Variants in NKAIN2 observed in about 807,000 individuals in gnomAD.
NKAIN2 encodes the protein sodium/potassium transporting ATPase interacting 2.
NKAIN2 carries 14 observed loss-of-function variants against 32.6 expected under a neutral mutation model. The observed-to-expected ratio is 0.43, with a 90% CI of 0.28 to 0.67. NKAIN2 has a LOEUF of 0.67. Among genes scored for constraint, NKAIN2 ranks in the 30% least tolerant of loss-of-function variants. The pLI, the probability that NKAIN2 is intolerant of heterozygous loss-of-function variation, is 0.17. For synonymous variants in NKAIN2, 80 were observed against 87.2 expected, an observed-to-expected ratio of 0.92 and a Z score of 0.46; for missense variants, 198 against 258.3, an observed-to-expected ratio of 0.77 and a Z score of 1.60.
chr6:124,788,957 A>G (rs1467469946), intron 4 of NKAIN2, among the ~76,000 whole-genome samples: 1 of 152,164 alleles, frequency 6.6e-6, no homozygotes, highest in African/African-American at 2.4e-5. Flanking sequence ...ATTTGTAGTT[A>G]GAAGTGACCA....
At chr6:124,719,580 C>CTTTTG (rs975468504) in intron 4 of NKAIN2, among the ~76,000 whole-genome samples, 1 of 151,924 alleles carries the variant, frequency 6.6e-6, no homozygotes, top group African/African-American at 2.4e-5. Flanking sequence ...GTTTCTTTTT[C>CTTTTG]TTTTGTTTTG....
Position 124,147,408 on chromosome 6 carries a change from T to G in NKAIN2, c.55-135597T>G, listed in dbSNP as rs547108065. Among the ~76,000 whole-genome samples the G allele has an allele frequency of 4.1e-4, 62 of 151,940 alleles. No individual in the cohort carries two copies. In the South Asian group the frequency reaches 5.6e-3, roughly 14 times the overall value. ...CAGTCTCCACCATACATGAGCAAGT[T>G]GCAAATATGGAACTGGAAGAAAAAA... On this transcript the variant is annotated intron_variant, in intron 1 of 6. Transcript: ENST00000368417.
At position 124,045,540 on chromosome 6, in the gene NKAIN2, TTG is replaced by T. The variant is rs1267213423; in HGVS notation, c.55-237461_55-237460del. Reference sequence around the variant, plus strand: ...TGTCTTCTCTTGTTTAGAAAACAATTTGTGTCTGCCCTTGTATGAAAGATCAG... The same window carrying T: ...TGTCTTCTCTTGTTTAGAAAACAATTTGTCTGCCCTTGTATGAAAGATCAG... On this transcript the variant is annotated intron_variant, in intron 1 of 6. Transcript: ENST00000368417. Among the ~76,000 whole-genome samples, 5 of 152,100 alleles carry T rather than the reference TTG, an allele frequency of 3.3e-5. No homozygotes were observed. In the East Asian group the frequency reaches 9.7e-4, roughly 29 times the overall value.
At chr6:124,719,600 A>C (rs557220168) in intron 4 of NKAIN2, among the ~76,000 whole-genome samples, 1 of 151,896 alleles carries the variant, frequency 6.6e-6, no homozygotes, top group Admixed American at 6.6e-5. Context: ...GTTTTGTTTT[A>C]CTTTCCCAAA....
At chr6:123,822,719 A>G (rs1204114476) in intron 1 of NKAIN2, among the ~76,000 whole-genome samples, 1 of 152,092 alleles carries the variant, frequency 6.6e-6, no homozygotes. Context: ...AATGTTTATG[A>G]GAGCTTAGCT....
At chr6:124,473,038 A>C in intron 3 of NKAIN2, among the ~76,000 whole-genome samples, 1 of 152,294 alleles carries the variant, frequency 6.6e-6, no homozygotes, top group South Asian at 2.1e-4. Flanking sequence ...GTTCTGCAGA[A>C]GGATAGAAGC....
intron 3 of NKAIN2, among the ~76,000 whole-genome samples, chr6:124,578,142 T>C (rs746367328): frequency 2.0e-5 from 3 of 151,742 alleles, no homozygotes; most frequent in Non-Finnish European, 4.4e-5. Context: ...TTCCAAGCCA[T>C]AGTGGCTACA....
At chr6:124,510,407 G>GCTATGTTAGA (rs1778664808) in intron 3 of NKAIN2, among the ~76,000 whole-genome samples, 1 of 152,066 alleles carries the variant, frequency 6.6e-6, no homozygotes, top group Non-Finnish European at 1.5e-5. Flanking sequence ...TCTGCTGTAT[G>GCTATGTTAGA]ACATTTTGAC....
At chr6:123,900,462 ACT>A (rs893474729) in intron 1 of NKAIN2, among the ~76,000 whole-genome samples, 4 of 146,798 alleles carry the variant, frequency 2.7e-5, no homozygotes, top group African/African-American at 1.0e-4. Context: ...ACAGAGCGAG[ACT>A]CTGTCTCAAA....
chr6:124,466,164 G>T (rs1364287755), intron 3 of NKAIN2, among the ~76,000 whole-genome samples: 1 of 152,066 alleles, frequency 6.6e-6, no homozygotes, highest in African/African-American at 2.4e-5. Flanking sequence ...TGTCACAGGG[G>T]AACCTTGATC....
intron 1 of NKAIN2, among the ~76,000 whole-genome samples, chr6:124,157,485 G>A (rs915137089): frequency 2.6e-5 from 4 of 152,082 alleles, no homozygotes; most frequent in Middle Eastern, 3.2e-3. Context: ...TTGAAACATG[G>A]TGAAGTTGTT....
intron 3 of NKAIN2, among the ~76,000 whole-genome samples, chr6:124,400,129 A>G (rs1237740731): frequency 6.6e-6 from 1 of 152,196 alleles, no homozygotes; most frequent in African/African-American, 2.4e-5. Flanking sequence ...GGGTGCCATC[A>G]GACAGGTCAG....
At chr6:123,951,573 T>A (rs552409535) in intron 1 of NKAIN2, among the ~76,000 whole-genome samples, 4 of 151,978 alleles carry the variant, frequency 2.6e-5, no homozygotes, top group Non-Finnish European at 5.9e-5. Flanking sequence ...GTAAGTATAG[T>A]TACTCCTCTT....
intron 1 of NKAIN2, among the ~76,000 whole-genome samples, chr6:124,092,582 T>G (rs1417819828): frequency 6.6e-6 from 1 of 152,106 alleles, no homozygotes; most frequent in Non-Finnish European, 1.5e-5. Context: ...AACTATTTTA[T>G]TCAAACTCAC....
intron 1 of NKAIN2, among the ~76,000 whole-genome samples, chr6:123,841,991 T>C (rs563030466): frequency 1.3e-5 from 2 of 152,292 alleles, no homozygotes; most frequent in East Asian, 3.9e-4. Flanking sequence ...TAGTAGATAA[T>C]GGGAAGATTC....
At chr6:124,272,291 G>T (rs558477089) in intron 1 of NKAIN2, among the ~76,000 whole-genome samples, 13 of 152,316 alleles carry the variant, frequency 8.5e-5, no homozygotes, top group Non-Finnish European at 1.9e-4. Context: ...GGGCTCTGCT[G>T]CTCTGTGCAG....
At chr6:124,598,676 G>A (rs77796115) in intron 3 of NKAIN2, among the ~76,000 whole-genome samples, 41 of 142,178 alleles carry the variant, frequency 2.9e-4, no homozygotes, top group African/African-American at 2.9e-4. Context: ...TGAAGATTTT[G>A]AAAAAAAAAA....
chr6:124,822,619 G>A (rs1051176100), intron 6 of NKAIN2, among the ~76,000 whole-genome samples: 56 of 152,118 alleles, frequency 3.7e-4, no homozygotes, highest in African/African-American at 1.2e-3. Context: ...TTCTTGGTTT[G>A]TAATTTTTCA....
chr6:124,540,489 T>C (rs972195308), intron 3 of NKAIN2, among the ~76,000 whole-genome samples: 38 of 152,226 alleles, frequency 2.5e-4, no homozygotes, highest in African/African-American at 8.9e-4. Context: ...TTTAAGGAAA[T>C]ATAGTTCACC....
Sources: allele counts gnomAD v4.1 joint callset (sites outside exome capture counted in the v4.1 genomes callset), GRCh38; gene constraint gnomAD v4.1.1; transcripts MANE v1.5; gene names NCBI Gene and HGNC (gene_info 2026-07-23, HGNC 2026-07-21).